Variants in CCDC192 observed in about 807,000 individuals in gnomAD.
CCDC192 encodes coiled-coil domain-containing protein 192.
At position 127,709,202 on chromosome 5, in the gene CCDC192, GGAGAGAGAGAGA is replaced by G. The variant is rs201676720; in HGVS notation, c.114+1477_114+1488del. 2.7e-4 allele frequency among the ~76,000 whole-genome samples: 23 copies of G among 85,766 alleles called. No individual in the cohort carries two copies. The South Asian group carries it at 7.9e-3, about 30-fold the overall frequency. The allele number at this position is 85,766 out of a possible 152,430, so 56.3% of individuals were successfully genotyped here. On this transcript the variant is annotated intron_variant, in intron 2 of 6. Coordinates refer to ENST00000514853, the MANE Select transcript of CCDC192 (RefSeq NM_001317938.2). ...GAGGGGGAGAGAGGTGGAGAGAGGG[GGAGAGAGAGAGA>G]GAGAGAGAGAGAGAGAGAGAGAGAG...
chr5:127,930,391 T>A (rs1455680261), intron 6 of CCDC192, among the ~76,000 whole-genome samples: 1 of 152,254 alleles, frequency 6.6e-6, no homozygotes. Flanking sequence ...TTCAATCTCA[T>A]GGACTCTCCC....
intron 2 of CCDC192, among the ~76,000 whole-genome samples, chr5:127,720,951 A>G (rs114603898): frequency 1.6e-3 from 250 of 152,350 alleles, no homozygotes; most frequent in African/African-American, 5.6e-3. Context: ...CCTGGCCACA[A>G]AACCATTCTT....
chr5:127,886,055 A>G (rs1412509676), intron 6 of CCDC192, among the ~76,000 whole-genome samples: 1 of 152,164 alleles, frequency 6.6e-6, no homozygotes, highest in Non-Finnish European at 1.5e-5. Flanking sequence ...AGGCAAGCAT[A>G]AGAAACAGGT....
chr5:127,738,701 C>T (rs1753188029), intron 2 of CCDC192, among the ~76,000 whole-genome samples: 1 of 152,046 alleles, frequency 6.6e-6, no homozygotes, highest in Admixed American at 6.6e-5. Flanking sequence ...TTGCTGATAC[C>T]CTTTCTTTCA....
intron 2 of CCDC192, among the ~76,000 whole-genome samples, chr5:127,742,866 G>A (rs1753502019): frequency 6.6e-6 from 1 of 152,110 alleles, no homozygotes; most frequent in African/African-American, 2.4e-5. Context: ...TTGTCCTTTT[G>A]TTGCTGGTTG....
rs1257706343 is a variant in CCDC192 at position 127,846,821 on chromosome 5, A to AAAC, written c.412-28715_412-28714insCAA. Among the ~76,000 whole-genome samples the AAAC allele has an allele frequency of 1.0e-4, 3 of 29,108 alleles. No individual in the cohort carries two copies. In the East Asian group the frequency reaches 0.019, roughly 182 times the overall value. 19.1% of individuals were successfully genotyped at this position (29,108 alleles called of 152,430 possible). On this transcript the variant is annotated intron_variant, in intron 5 of 6. Coordinates refer to ENST00000514853, the MANE Select transcript of CCDC192 (RefSeq NM_001317938.2). ...TTCCATTCACCTAGTCAATAAAGCA[A>AAAC]AAAAAAAAAAAAAAAAAAAAAAAAC...
intron 5 of CCDC192, among the ~76,000 whole-genome samples, chr5:127,814,766 C>G (rs2127006925): frequency 6.6e-6 from 1 of 152,262 alleles, no homozygotes; most frequent in South Asian, 2.1e-4. Context: ...TGGTTAGTTT[C>G]AAGTCTGACA....
intron 2 of CCDC192, among the ~76,000 whole-genome samples, chr5:127,743,615 A>T (rs1373100649): frequency 6.6e-6 from 1 of 152,166 alleles, no homozygotes; most frequent in Non-Finnish European, 1.5e-5. Context: ...GCTCAGCCAT[A>T]TAGATGGGCA....
chr5:127,841,902 C>T lies in CCDC192; in HGVS notation c.412-33636C>T, dbSNP rs993790221. Among the ~76,000 whole-genome samples the T allele has an allele frequency of 9.9e-5, 15 of 152,282 alleles. 1 individual carries two copies. The South Asian group carries it at 2.9e-3, about 29-fold the overall frequency. On this transcript the variant is annotated intron_variant, in intron 5 of 6. Transcript: ENST00000514853. ...TGTGTAAATGAGTTCAGTGAAGCTGCAGTGAAAAATCCACTGAGCAAGTGC... is the reference window on the plus strand; with the variant it reads ...TGTGTAAATGAGTTCAGTGAAGCTGTAGTGAAAAATCCACTGAGCAAGTGC...
chr5:127,876,062 AAT>A (rs1491475788), intron 6 of CCDC192, among the ~76,000 whole-genome samples: 5 of 94,858 alleles, frequency 5.3e-5, no homozygotes, highest in Non-Finnish European at 1.0e-4. Flanking sequence ...AAGAGAACAG[AAT>A]TTTTTTTTTT....
chr5:127,913,501 C>T (rs781547150), intron 6 of CCDC192, among the ~76,000 whole-genome samples: 10 of 152,174 alleles, frequency 6.6e-5, no homozygotes, highest in South Asian at 2.1e-4. Context: ...CTACCTAGAC[C>T]GCTGCTTTTT....
intron 5 of CCDC192, among the ~76,000 whole-genome samples, chr5:127,841,509 C>A (rs1182656929): frequency 6.6e-6 from 1 of 152,110 alleles, no homozygotes; most frequent in Non-Finnish European, 1.5e-5. Context: ...AGAACACAAT[C>A]TTTCAAGTTT....
At chr5:127,897,114 G>T (rs532487892) in intron 6 of CCDC192, among the ~76,000 whole-genome samples, 1 of 149,210 alleles carries the variant, frequency 6.7e-6, no homozygotes, top group South Asian at 2.1e-4. Flanking sequence ...TAGACTTTTA[G>T]TATAACCAGA....
At chr5:127,881,361 C>A (rs1246696188) in intron 6 of CCDC192, among the ~76,000 whole-genome samples, 2 of 152,184 alleles carry the variant, frequency 1.3e-5, no homozygotes, top group Non-Finnish European at 2.9e-5. Context: ...CTGATGCTTA[C>A]AGTTCTAACA....
chr5:127,796,063 A>G (rs924272571), intron 3 of CCDC192, among the ~76,000 whole-genome samples: 3 of 152,156 alleles, frequency 2.0e-5, no homozygotes, highest in Non-Finnish European at 2.9e-5. Context: ...AGGCAACTGA[A>G]CAAACATTTG....
intron 5 of CCDC192, among the ~76,000 whole-genome samples, chr5:127,863,829 GC>G (rs1751477730): frequency 6.6e-6 from 1 of 152,336 alleles, no homozygotes; most frequent in South Asian, 2.1e-4. Flanking sequence ...GGAAATTAGA[GC>G]AAGTAGAGGT....
intron 2 of CCDC192, among the ~76,000 whole-genome samples, chr5:127,738,988 G>A (rs1753213305): frequency 6.6e-6 from 1 of 152,080 alleles, no homozygotes; most frequent in Admixed American, 6.5e-5. Context: ...GTGTTCCTTT[G>A]GAGGAGGAGG....
chr5:127,898,892 A>G (rs1752966688), intron 6 of CCDC192, among the ~76,000 whole-genome samples: 1 of 152,182 alleles, frequency 6.6e-6, no homozygotes, highest in African/African-American at 2.4e-5. Context: ...TACACAAGTC[A>G]TATCTAATGA....
At chr5:127,792,826 A>G (rs200406546) in intron 3 of CCDC192, among the ~76,000 whole-genome samples, 81 of 94,042 alleles carry the variant, frequency 8.6e-4, no homozygotes, top group South Asian at 1.7e-3. Context: ...GAAGAAGAAG[A>G]AGGAGGAGGA....
Sources: allele counts gnomAD v4.1 joint callset (sites outside exome capture counted in the v4.1 genomes callset), GRCh38; gene constraint gnomAD v4.1.1; transcripts MANE v1.5; gene names NCBI Gene and HGNC (gene_info 2026-07-23, HGNC 2026-07-21).